PIK3R6: variants seen among roughly 807,000 people sequenced by gnomAD.
PIK3R6 encodes the protein phosphoinositide-3-kinase regulatory subunit 6, also known as phosphoinositide 3-kinase regulatory subunit 6.
PIK3R6 carries 91 observed loss-of-function variants against 84.9 expected under a neutral mutation model. The ratio of observed to expected loss-of-function variants is 1.07; its 90% CI spans 0.90 to 1.28. The LOEUF (loss-of-function observed/expected upper bound fraction) is 1.28, where lower values mean the gene tolerates loss of function less well. Among genes scored for constraint, PIK3R6 ranks in the 50% most tolerant of loss-of-function variants. PIK3R6 has a pLI of 0.00. For synonymous variants in PIK3R6, 416 were observed against 411.4 expected (o/e 1.01, Z -0.13); for missense variants, 996 against 985.1 (o/e 1.01, Z -0.15).
intron 3 of PIK3R6, 21 bp from the exon 4 acceptor site, chr17:8,838,676 G>T (rs1423826219): frequency 6.4e-7 from 1 of 1,572,292 alleles, no homozygotes; most frequent in Admixed American, 1.9e-5. Context: ...AGAAAGGGGA[G>T]CCCGGCATGA....
intron 18 of PIK3R6, among the ~76,000 whole-genome samples, chr17:8,804,490 CA>C (rs2151163613): frequency 6.6e-6 from 1 of 152,282 alleles, no homozygotes; most frequent in Admixed American, 6.5e-5. Flanking sequence ...TCCTCTATGA[CA>C]GACGTGTTAA....
intron 9 of PIK3R6, 31 bp from the exon 10 acceptor site, chr17:8,829,823 G>GCT (rs2088172780): frequency 1.3e-6 from 2 of 1,532,852 alleles, no homozygotes; most frequent in Admixed American, 4.0e-5. Context: ...TGGAGGCCAT[G>GCT]GAGGAGGCCA....
chr17:8,817,068 C>T (rs1290335026), intron 18 of PIK3R6, among the ~76,000 whole-genome samples: 1 of 152,186 alleles, frequency 6.6e-6, no homozygotes, highest in Non-Finnish European at 1.5e-5. Context: ...TAAATACTGA[C>T]ATATGCTTAA....
At chr17:8,861,567 G>A (rs1430751646) in intron 1 of PIK3R6, among the ~76,000 whole-genome samples, 3 of 152,212 alleles carry the variant, frequency 2.0e-5, no homozygotes, top group Admixed American at 1.3e-4. Context: ...TGTCCTGCCC[G>A]GAATGTGAAG....
At chr17:8,840,542 A>G (rs1490326940) in intron 2 of PIK3R6, among the ~76,000 whole-genome samples, 1 of 147,482 alleles carries the variant, frequency 6.8e-6, no homozygotes, top group East Asian at 2.0e-4. Context: ...GCCTCCAAAT[A>G]TGTATATCAA....
At chr17:8,829,194 C>CAG (rs199625448) in intron 10 of PIK3R6, among the ~76,000 whole-genome samples, 3,828 of 139,738 alleles carry the variant, frequency 0.027, 113 homozygotes, top group African/African-American at 0.081. Context: ...GACAGACATA[C>CAG]ACACACGTGC....
chr17:8,824,946 C>T (rs967463591), intron 13 of PIK3R6, among the ~76,000 whole-genome samples: 1 of 152,122 alleles, frequency 6.6e-6, no homozygotes, highest in African/African-American at 2.4e-5. Context: ...AGTTAAAAAA[C>T]AGATATGTAA....
At chr17:8,855,221 A>AACAAAACAAC (rs2089098895) in intron 1 of PIK3R6, among the ~76,000 whole-genome samples, 1 of 146,066 alleles carries the variant, frequency 6.8e-6, no homozygotes, top group Non-Finnish European at 1.5e-5. Context: ...AACAAAACAA[A>AACAAAACAAC]ACAAAACAAC....
chr17:8,823,582 C>T, intron 13 of PIK3R6, 85 bp from the exon 14 acceptor site: 2 of 915,732 alleles, frequency 2.2e-6, no homozygotes, highest in South Asian at 2.9e-5. Context: ...AAACTTCAAG[C>T]CCCTACATCT....
chr17:8,840,108 A>AATATATAGCCTCCAAATATATATGAAAT (rs2088621430), intron 2 of PIK3R6, among the ~76,000 whole-genome samples: 19 of 151,082 alleles, frequency 1.3e-4, no homozygotes, highest in Non-Finnish European at 2.1e-4. Context: ...ATGTATATGA[A>AATATATAGCCTCCAAATATATATGAAAT]ATATATAGCC....
intron 18 of PIK3R6, among the ~76,000 whole-genome samples, chr17:8,806,587 G>A (rs139748862): frequency 6.6e-6 from 1 of 152,286 alleles, no homozygotes; most frequent in South Asian, 2.1e-4. Flanking sequence ...CAGTGGAAAG[G>A]GCCAGATGCA....
At chr17:8,841,533 G>A (rs1162464639) in intron 2 of PIK3R6, among the ~76,000 whole-genome samples, 9 of 152,158 alleles carry the variant, frequency 5.9e-5, no homozygotes, top group East Asian at 1.9e-4. Context: ...TTTTCCATCC[G>A]CTGACCCCTT....
chr17:8,819,921 T>A (rs906603248), intron 17 of PIK3R6, among the ~76,000 whole-genome samples: 10 of 136,236 alleles, frequency 7.3e-5, no homozygotes, highest in South Asian at 2.2e-4. Flanking sequence ...TATATATATT[T>A]TATATATATA....
intron 13 of PIK3R6, among the ~76,000 whole-genome samples, chr17:8,824,688 T>C (rs1380986042): frequency 1.3e-5 from 2 of 152,068 alleles, no homozygotes; most frequent in South Asian, 2.1e-4. Context: ...CGGAGAAAAA[T>C]AGCTACCAGC....
At chr17:8,854,003 A>C (rs2089056570) in intron 1 of PIK3R6, among the ~76,000 whole-genome samples, 1 of 151,984 alleles carries the variant, frequency 6.6e-6, no homozygotes, top group Non-Finnish European at 1.5e-5. Context: ...AATCATTTAC[A>C]TATTTAAGGT....
intron 17 of PIK3R6, 49 bp downstream of exon 17, chr17:8,821,797 C>T: frequency 6.6e-7 from 1 of 1,523,582 alleles, no homozygotes; most frequent in Non-Finnish European, 8.9e-7. Flanking sequence ...CCAGCATTGC[C>T]CTTCTCATCT....
At chr17:8,829,521 CACACACTG>C (rs2088132407) in intron 10 of PIK3R6, among the ~76,000 whole-genome samples, 177 bp downstream of exon 10, 1 of 141,966 alleles carries the variant, frequency 7.0e-6, no homozygotes, top group Non-Finnish European at 1.6e-5. Flanking sequence ...CATGCATACA[CACACACTG>C]ACACACGCAT....
At position 8,839,345 on chromosome 17, in the gene PIK3R6, C is replaced by T. The variant is rs899543762; in HGVS notation, c.97+269G>A. Among the ~76,000 whole-genome samples, 5 of 143,644 alleles carry T rather than the reference C, an allele frequency of 3.5e-5. No homozygotes were observed. Among genetic ancestry groups the T allele is most frequent in the African/African-American group, 1.3e-4 (5 of 38,412 alleles). 94.2% of individuals were successfully genotyped at this position (143,644 alleles called of 152,430 possible). On this transcript the variant is annotated intron_variant, in intron 3 of 19. Transcript: ENST00000619866. The surrounding 1 kb of genome is among the most constrained non-coding windows in gnomAD (Gnocchi z 4.2). ...CCTGGGTGACAGAGTAGGACTCCAT[C>T]TCAAAAACAAAAGAAAAAAAAAAGG...
At chr17:8,841,265 A>G (rs192621467) in intron 2 of PIK3R6, among the ~76,000 whole-genome samples, 1 of 152,092 alleles carries the variant, frequency 6.6e-6, no homozygotes, top group African/African-American at 2.4e-5. Context: ...CCTTGACCAA[A>G]CCTTACTCAG....
Sources: gnomAD v4.1 joint callset for allele counts (sites outside exome capture counted in the v4.1 genomes callset) on GRCh38, gnomAD v4.1.1 for gene constraint, Gnocchi (gnomAD v3.1) non-coding constraint, MANE v1.5 for transcripts, NCBI Gene and HGNC (gene_info 2026-07-23, HGNC 2026-07-21) for gene names.